Variants in BMP5 observed in about 807,000 individuals in gnomAD.
BMP5 encodes bone morphogenetic protein 5.
A neutral mutation model predicts 46.6 loss-of-function variants in BMP5; 23 were observed. The observed-to-expected ratio is 0.49, with a 90% CI of 0.35 to 0.70. BMP5 has a LOEUF of 0.70. Ranked by LOEUF, BMP5 falls within the 30% of genes least tolerant of loss-of-function variation. The pLI, the probability that BMP5 is intolerant of heterozygous loss-of-function variation, is 0.00. For missense variants in BMP5, 545 were observed against 565.6 expected, an observed-to-expected ratio of 0.96 and a Z score of 0.37; for synonymous variants, 204 against 191.9, an observed-to-expected ratio of 1.06 and a Z score of -0.52.
intron 1 of BMP5, among the ~76,000 whole-genome samples, chr6:55,839,189 G>A (rs964201408): frequency 1.3e-5 from 2 of 151,404 alleles, no homozygotes; most frequent in Non-Finnish European, 3.0e-5. Flanking sequence ...CAAATTTGGG[G>A]CTATATGAAT....
At chr6:55,834,202 G>A (rs569727127) in intron 1 of BMP5, among the ~76,000 whole-genome samples, 1 of 152,188 alleles carries the variant, frequency 6.6e-6, no homozygotes, top group East Asian at 1.9e-4. Context: ...TTTTTCATCT[G>A]TGATTAATGT....
intron 1 of BMP5, among the ~76,000 whole-genome samples, chr6:55,873,410 G>T (rs1217289377): frequency 6.6e-6 from 1 of 151,792 alleles, no homozygotes; most frequent in African/African-American, 2.4e-5. Context: ...TATATTCGAT[G>T]TTATTTTCCT....
intron 3 of BMP5, among the ~76,000 whole-genome samples, chr6:55,781,512 A>G (rs1775316395): frequency 6.6e-6 from 1 of 152,032 alleles, no homozygotes; most frequent in Admixed American, 6.6e-5. Context: ...CATTTTACCT[A>G]TAGTAATTAA....
intron 4 of BMP5, among the ~76,000 whole-genome samples, chr6:55,772,065 TTTC>T (rs1489551542): frequency 6.6e-6 from 1 of 151,910 alleles, no homozygotes; most frequent in South Asian, 2.1e-4. Flanking sequence ...AGCTACTTTC[TTTC>T]TTCTTCTTAT....
At chr6:55,845,261 A>G (rs752109711) in intron 1 of BMP5, among the ~76,000 whole-genome samples, 61 of 152,046 alleles carry the variant, frequency 4.0e-4, no homozygotes, top group Non-Finnish European at 7.5e-4. Flanking sequence ...TGCTGAGACA[A>G]TGAAAAATAA....
At chr6:55,761,558 G>A (rs553211280) in intron 4 of BMP5, among the ~76,000 whole-genome samples, 74 of 152,106 alleles carry the variant, frequency 4.9e-4, no homozygotes, top group African/African-American at 1.7e-3. Flanking sequence ...TTCACTCACA[G>A]TCAACCTTGC....
chr6:55,852,525 T>C (rs1476435368), intron 1 of BMP5, among the ~76,000 whole-genome samples: 1 of 152,184 alleles, frequency 6.6e-6, no homozygotes, highest in Admixed American at 6.5e-5. Flanking sequence ...CTACTTCTAC[T>C]GTCATTGGTA....
At position 55,857,026 on chromosome 6, in the gene BMP5, G is replaced by A. The variant is rs1582124889; in HGVS notation, c.490+17350C>T. 4.6e-5 allele frequency among the ~76,000 whole-genome samples: 7 copies of A among 152,204 alleles called. 1 individual carries two copies. On this transcript the variant is annotated intron_variant, in intron 1 of 6. Coordinates refer to ENST00000370830, the MANE Select transcript of BMP5 (RefSeq NM_021073.4). ...GTTGACACTGCCGAAGCTTTGTAAA[G>A]TTTTATGTGGTTCATGATCATAGTG...
At chr6:55,760,214 A>G (rs1774735531) in intron 5 of BMP5, among the ~76,000 whole-genome samples, 2 of 151,972 alleles carry the variant, frequency 1.3e-5, no homozygotes, top group Admixed American at 1.3e-4. Context: ...TTCTTCCTAA[A>G]TATCTTAGTG....
intron 1 of BMP5, among the ~76,000 whole-genome samples, chr6:55,829,194 T>G (rs1044168793): frequency 1.3e-5 from 2 of 151,876 alleles, no homozygotes; most frequent in Non-Finnish European, 2.9e-5. Flanking sequence ...ATTATTTGCT[T>G]TATGTCTCCC....
chr6:55,804,232 A>G (rs921593820), intron 2 of BMP5, among the ~76,000 whole-genome samples: 1 of 152,346 alleles, frequency 6.6e-6, no homozygotes, highest in African/African-American at 2.4e-5. Context: ...ATTTCAATAT[A>G]ACCAGTATCC....
At chr6:55,791,466 C>T (rs184124862) in intron 3 of BMP5, among the ~76,000 whole-genome samples, 1 of 152,254 alleles carries the variant, frequency 6.6e-6, no homozygotes, top group Non-Finnish European at 1.5e-5. Context: ...AAACCAAACT[C>T]TCAAATATGG....
intron 4 of BMP5, chr6:55,772,922 A>G (rs1005365862): frequency 1.0e-6 from 1 of 984,958 alleles, no homozygotes; most frequent in African/African-American, 1.7e-5. Context: ...CTGAGCAAAT[A>G]AAAACAAACA....
chr6:55,773,985 C>A (rs202079281), intron 4 of BMP5, 64 bp downstream of exon 4: 128 of 1,553,902 alleles, frequency 8.2e-5, no homozygotes, highest in African/African-American at 2.7e-5. Flanking sequence ...ATTGTGGCTA[C>A]TTGATTTGCA....
At chr6:55,862,641 A>G (rs1175117756) in intron 1 of BMP5, among the ~76,000 whole-genome samples, 3 of 152,206 alleles carry the variant, frequency 2.0e-5, no homozygotes, top group African/African-American at 7.2e-5. Context: ...AATACAACAC[A>G]AACAATGAAT....
intron 3 of BMP5, among the ~76,000 whole-genome samples, chr6:55,786,823 A>C (rs1219560083): frequency 6.6e-6 from 1 of 151,662 alleles, no homozygotes; most frequent in African/African-American, 2.4e-5. Flanking sequence ...TGTTTATTTA[A>C]AACCAATTGT....
chr6:55,809,752 G>A lies in BMP5; in HGVS notation c.683+9903C>T, dbSNP rs144569590. 6.8e-3 allele frequency among the ~76,000 whole-genome samples: 1,033 copies of A among 152,104 alleles called. 13 individuals carry two copies. The highest frequency in any genetic ancestry group is 0.023 in the African/African-American group (974 of 41,516). On this transcript the variant is annotated intron_variant, in intron 2 of 6. Coordinates refer to ENST00000370830, the MANE Select transcript of BMP5 (RefSeq NM_021073.4). Reference sequence around the variant, plus strand: ...AGCCACTCTACTATCTAATCATGAAGCACTTAAACCTGGTCCAGAAAAGCT... The same window carrying A: ...AGCCACTCTACTATCTAATCATGAAACACTTAAACCTGGTCCAGAAAAGCT...
At chr6:55,804,046 A>G (rs114215490) in intron 2 of BMP5, among the ~76,000 whole-genome samples, 735 of 152,266 alleles carry the variant, frequency 4.8e-3, no homozygotes, top group Non-Finnish European at 8.1e-3. Flanking sequence ...CTTATTCCTT[A>G]TGACTCACAA....
Position 55,874,890 on chromosome 6 carries a change from A to T in BMP5, c.-25T>A. 6.2e-7 allele frequency: 1 copy of T among 1,609,708 alleles called. No homozygotes were observed. Among genetic ancestry groups the T allele is most frequent in the Non-Finnish European group, 8.5e-7 (1 of 1,177,950 alleles). On this transcript the variant is annotated 5_prime_UTR_variant, in exon 1 of 7. Coordinates refer to ENST00000370830, the MANE Select transcript of BMP5 (RefSeq NM_021073.4). The stretch of plus-strand genomic sequence containing the variant: ...TTTTTGTCCAAAAGCAAAAGTTGAT[A>T]TTTTTAGTCCTTCTTGTCCTCTTAA...
Sources: gnomAD v4.1 joint callset for allele counts (sites outside exome capture counted in the v4.1 genomes callset) on GRCh38, gnomAD v4.1.1 for gene constraint, MANE v1.5 for transcripts, NCBI Gene and HGNC (gene_info 2026-07-23, HGNC 2026-07-21) for gene names.